The following CYLC2 variants were observed in gnomAD, a reference collection of about 807,000 sequenced individuals.
CYLC2 encodes cylicin 2, also known as cylicin-2.
In CYLC2, 30 loss-of-function variants were observed where a neutral mutation model predicts 26.1. The observed-to-expected ratio is 1.15, with a 90% CI of 0.86 to 1.56. The LOEUF is 1.56. CYLC2 is among the 40% of genes most tolerant of loss of function. The pLI, the probability that CYLC2 is intolerant of heterozygous loss-of-function variation, is 0.00. For missense variants in CYLC2, 498 were observed against 394.4 expected (o/e 1.26, Z -2.23); for synonymous variants, 158 against 132.8 (o/e 1.19, Z -1.31).
At chr9:103,015,425 T>G (rs1368945744) in intron 6 of CYLC2, among the ~76,000 whole-genome samples, 3 of 136,072 alleles carry the variant, frequency 2.2e-5, no homozygotes, top group South Asian at 4.3e-4. Flanking sequence ...ATATTATAAT[T>G]ATATACTTAT....
Position 103,005,861 on chromosome 9 carries a change from A to G in CYLC2, c.*183A>G. 1.6e-6 allele frequency: 1 copy of G among 640,276 alleles called. No individual in the cohort carries two copies. The highest frequency in any genetic ancestry group is 2.6e-6 in the Non-Finnish European group (1 of 390,834). The allele number at this position is 640,276 out of a possible 1,614,324, so 39.7% of individuals were successfully genotyped here. ...AGAGATTTATAAAAATATATAAGAA[A>G]GATGTTAAGAAAAATTAAGGGGGGA... On this transcript the variant is annotated 3_prime_UTR_variant, in exon 5 of 8. Coordinates refer to ENST00000374798, the MANE Select transcript of CYLC2 (RefSeq NM_001340.5).
At chr9:103,017,168 T>C (rs2076544855) in intron 7 of CYLC2, among the ~76,000 whole-genome samples, 1 of 151,868 alleles carries the variant, frequency 6.6e-6, no homozygotes, top group South Asian at 2.1e-4. Context: ...AGCATGATAG[T>C]AAAGAGGAGA....
At chr9:103,013,238 A>C (rs1829432091) in intron 6 of CYLC2, among the ~76,000 whole-genome samples, 1 of 103,052 alleles carries the variant, frequency 9.7e-6, no homozygotes, top group Admixed American at 1.3e-4. Flanking sequence ...TAAACATATA[A>C]CATGTAAATA....
chr9:103,003,271 T>A lies in CYLC2; in HGVS notation c.180+8T>A. On this transcript the variant is annotated splice_region_variant and intron_variant, in intron 3 of 7. Coordinates refer to ENST00000374798, the MANE Select transcript of CYLC2 (RefSeq NM_001340.5). ...CGGGACAACACGGTTTCTGTAAGCA[T>A]TGGAAAGATTTTATAATTATCAGTA... The A allele has an allele frequency of 6.2e-7, 1 of 1,605,280 alleles. No individual in the cohort carries two copies. Among genetic ancestry groups the A allele is most frequent in the Non-Finnish European group, 8.5e-7 (1 of 1,175,512 alleles).
intron 6 of CYLC2, among the ~76,000 whole-genome samples, chr9:103,015,433 T>C (rs1407006690): frequency 5.1e-5 from 7 of 136,940 alleles, no homozygotes; most frequent in Admixed American, 8.0e-5. Context: ...ATTATATACT[T>C]ATATATCATT....
chr9:102,995,971 G>T (rs960839280), intron 1 of CYLC2, among the ~76,000 whole-genome samples: 8 of 151,772 alleles, frequency 5.3e-5, no homozygotes, highest in African/African-American at 1.9e-4. Flanking sequence ...GTTTACTTAT[G>T]CTTAATTTAT....
rs115540420 is a variant in CYLC2, at chr9:103,011,555, A to G, written c.*701-427A>G. 5.1e-3 allele frequency among the ~76,000 whole-genome samples: 778 copies of G among 152,172 alleles called. 6 individuals are homozygous for G. Among genetic ancestry groups the G allele is most frequent in the African/African-American group, 0.018 (736 of 41,544 alleles). On this transcript the variant is annotated intron_variant, in intron 5 of 7. Coordinates refer to ENST00000374798, the MANE Select transcript of CYLC2 (RefSeq NM_001340.5). Reference sequence around the variant, plus strand: ...AATGGGGTCCAAGTGAAGCTAACCGATTTTGAAAAATGGGGGAGGGAGTGA... The same window carrying G: ...AATGGGGTCCAAGTGAAGCTAACCGGTTTTGAAAAATGGGGGAGGGAGTGA...
chr9:103,010,949 G>A (rs957177598), intron 5 of CYLC2: 2 of 152,066 alleles, frequency 1.3e-5, no homozygotes, highest in Non-Finnish European at 2.9e-5. Context: ...GAAGCAGGAT[G>A]TAAAACACTG....
chr9:102,999,114 CCTTTT>C (rs1829264064), intron 1 of CYLC2, among the ~76,000 whole-genome samples: 1 of 151,542 alleles, frequency 6.6e-6, no homozygotes, highest in Non-Finnish European at 1.5e-5. Flanking sequence ...TTGTTTTCTT[CCTTTT>C]CTTTATTTCC....
intron 6 of CYLC2, among the ~76,000 whole-genome samples, chr9:103,014,154 A>G (rs1275989019): frequency 8.3e-6 from 1 of 120,950 alleles, no homozygotes; most frequent in African/African-American, 3.4e-5. Context: ...ATATTATTTA[A>G]TATATAATAT....
chr9:102,998,526 G>T (rs998601061), intron 1 of CYLC2, among the ~76,000 whole-genome samples: 11 of 151,884 alleles, frequency 7.2e-5, no homozygotes, highest in Admixed American at 3.3e-4. Context: ...GACTTAAAGA[G>T]TGGGAAAGTG....
chr9:103,013,372 AATATATTATATAAAT>A (rs1219357572), intron 6 of CYLC2, among the ~76,000 whole-genome samples: 2 of 103,598 alleles, frequency 1.9e-5, no homozygotes, highest in Admixed American at 1.3e-4. Flanking sequence ...ATATATATTT[AATATATTATATAAAT>A]ATATATTATA....
chr9:103,015,303 T>G (rs1296205000), intron 6 of CYLC2, among the ~76,000 whole-genome samples: 3 of 131,142 alleles, frequency 2.3e-5, no homozygotes, highest in Admixed American at 1.7e-4. Flanking sequence ...TTATATGTTA[T>G]AATATATATT....
intron 6 of CYLC2, among the ~76,000 whole-genome samples, chr9:103,014,097 A>T (rs1301737682): frequency 8.4e-6 from 1 of 119,340 alleles, no homozygotes; most frequent in African/African-American, 3.3e-5. Context: ...AATATATAAA[A>T]TTAAATATAA....
intron 5 of CYLC2, 64 bp from the exon 6 acceptor site, chr9:103,011,918 T>C (rs763653409): frequency 1.3e-5 from 2 of 149,502 alleles, no homozygotes; most frequent in Non-Finnish European, 3.0e-5. Context: ...AATCACAAAG[T>C]AATAACTTGC....
chr9:102,998,136 C>T (rs1435337267), intron 1 of CYLC2, among the ~76,000 whole-genome samples: 3 of 151,840 alleles, frequency 2.0e-5, no homozygotes, highest in Non-Finnish European at 4.4e-5. Flanking sequence ...CTTCTACATG[C>T]CATTTAATCT....
chr9:103,016,121 C>G (rs1829502438), intron 6 of CYLC2, among the ~76,000 whole-genome samples: 1 of 151,444 alleles, frequency 6.6e-6, no homozygotes. Context: ...ACATTTATGT[C>G]TCAGATATAA....
At chr9:103,000,853 G>C (rs1041570380) in intron 1 of CYLC2, among the ~76,000 whole-genome samples, 6 of 152,020 alleles carry the variant, frequency 3.9e-5, no homozygotes, top group Non-Finnish European at 8.8e-5. Flanking sequence ...TAGATCTTAG[G>C]ATTGGTCTCC....
intron 1 of CYLC2, among the ~76,000 whole-genome samples, chr9:103,001,075 CA>C (rs1829283489): frequency 6.6e-6 from 1 of 151,768 alleles, no homozygotes; most frequent in African/African-American, 2.4e-5. Flanking sequence ...CACAGGTGCA[CA>C]TATAGGCCAT....
Sources: allele counts gnomAD v4.1 joint callset (sites outside exome capture counted in the v4.1 genomes callset), GRCh38; gene constraint gnomAD v4.1.1; transcripts MANE v1.5; gene names NCBI Gene and HGNC (gene_info 2026-07-23, HGNC 2026-07-21).